BNIP3L: variants seen among roughly 807,000 people sequenced by gnomAD.
BNIP3L encodes the protein BCL2 interacting protein 3 like, also known as BCL2/adenovirus E1B 19 kDa protein-interacting protein 3-like.
Under a neutral mutation model 25.5 loss-of-function variants are expected in BNIP3L, and 10 were observed. The ratio of observed to expected loss-of-function variants is 0.39; its 90% confidence interval spans 0.24 to 0.67. The LOEUF (loss-of-function observed/expected upper bound fraction) is 0.67, where lower values mean the gene tolerates loss of function less well. Among genes scored for constraint, BNIP3L ranks in the 30% least tolerant of loss-of-function variants. The pLI is 0.45. For synonymous variants in BNIP3L, 113 were observed against 101.2 expected (o/e 1.12, Z -0.70); for missense variants, 215 against 270.9 (o/e 0.79, Z 1.45).
chr8:26,383,281 C>T (rs758541260), intron 1 of BNIP3L, 51 bp downstream of exon 1: 3 of 1,565,096 alleles, frequency 1.9e-6, no homozygotes, highest in Admixed American at 3.9e-5. Flanking sequence ...GAGGAGCAGC[C>T]CCGGCCGCCG....
At position 26,408,233 on chromosome 8, in the gene BNIP3L, C is replaced by T; in HGVS notation, c.468C>T (p.Phe156=). 6.2e-7 allele frequency: 1 copy of T among 1,613,404 alleles called. No individual in the cohort carries two copies. Among genetic ancestry groups the T allele is most frequent in the Non-Finnish European group, 8.5e-7 (1 of 1,179,502 alleles). The change falls in exon 5 of 6, where the codon TTC becomes TTT. Residue 156 remains phenylalanine, a synonymous_variant. Coordinates refer to ENST00000380629, the MANE Select transcript of BNIP3L (RefSeq NM_004331.3). The stretch of plus-strand genomic sequence containing the variant: ...CTCTGAATTTCTTTCTCAGGGAGTT[C>T]CACTTCAGACACCCTAAACGTTCTG... ...SRPENIPPKE[F]HFRHPKRSVS... is the part of the protein sequence containing the mutation.
intron 2 of BNIP3L, among the ~76,000 whole-genome samples, chr8:26,393,407 C>T (rs1806157307): frequency 6.8e-6 from 1 of 146,868 alleles, no homozygotes; most frequent in African/African-American, 2.5e-5. Flanking sequence ...CTAGATTCAC[C>T]CAGAAGCTTT....
chr8:26,408,790 T>G (rs1806553359), intron 5 of BNIP3L, among the ~76,000 whole-genome samples: 1 of 150,330 alleles, frequency 6.7e-6, no homozygotes, highest in Non-Finnish European at 1.5e-5. Context: ...GAGAATCGCT[T>G]GAACATGGGA....
At chr8:26,408,977 A>T (rs1028273996) in intron 5 of BNIP3L, among the ~76,000 whole-genome samples, 5 of 151,966 alleles carry the variant, frequency 3.3e-5, no homozygotes, top group Admixed American at 3.3e-4. Flanking sequence ...TTGTTGTGTA[A>T]TATTTAATCT....
At chr8:26,403,118 G>T (rs1321713079) in intron 3 of BNIP3L, among the ~76,000 whole-genome samples, 2 of 152,180 alleles carry the variant, frequency 1.3e-5, no homozygotes, top group African/African-American at 4.8e-5. Flanking sequence ...TCATCAAGAG[G>T]AGGTACTTAC....
chr8:26,395,419 G>A (rs1806211483), intron 3 of BNIP3L, 117 bp downstream of exon 3: 1 of 1,132,370 alleles, frequency 8.8e-7, no homozygotes, highest in East Asian at 2.6e-5. Context: ...CTATTATTGA[G>A]TTTCTGATTT....
intron 1 of BNIP3L, among the ~76,000 whole-genome samples, chr8:26,386,915 G>A (rs752694764): frequency 6.6e-6 from 1 of 152,120 alleles, no homozygotes; most frequent in African/African-American, 2.4e-5. Flanking sequence ...TAAGAAGAAT[G>A]CCAGTAACTC....
intron 1 of BNIP3L, among the ~76,000 whole-genome samples, chr8:26,386,191 C>T (rs951909225): frequency 6.6e-5 from 10 of 151,912 alleles, no homozygotes; most frequent in African/African-American, 1.7e-4. Context: ...TTAACTTTAC[C>T]GCTGTGGAGA....
chr8:26,404,271 T>C (rs1213791882), intron 3 of BNIP3L, among the ~76,000 whole-genome samples: 2 of 152,240 alleles, frequency 1.3e-5, no homozygotes, highest in Admixed American at 1.3e-4. Context: ...TTTTGCATTG[T>C]GTTTCTGGGA....
chr8:26,401,921 C>A (rs1266477913), intron 3 of BNIP3L, among the ~76,000 whole-genome samples: 1 of 152,154 alleles, frequency 6.6e-6, no homozygotes, highest in Non-Finnish European at 1.5e-5. Context: ...TATGTAAGAT[C>A]ACCTAAAAGT....
chr8:26,387,918 A>T (rs1451513774), intron 1 of BNIP3L, among the ~76,000 whole-genome samples: 1 of 152,252 alleles, frequency 6.6e-6, no homozygotes, highest in Non-Finnish European at 1.5e-5. Flanking sequence ...GTATATCTTT[A>T]TAAAAGATGA....
chr8:26,410,154 GT>G (rs1806589852), intron 5 of BNIP3L, among the ~76,000 whole-genome samples: 1 of 152,092 alleles, frequency 6.6e-6, no homozygotes, highest in Non-Finnish European at 1.5e-5. Context: ...TATTTAATGA[GT>G]AAACAAACTC....
chr8:26,388,353 T>C (rs929594666), intron 1 of BNIP3L, among the ~76,000 whole-genome samples: 1 of 152,234 alleles, frequency 6.6e-6, no homozygotes, highest in Non-Finnish European at 1.5e-5. Context: ...TTATTATCTC[T>C]ATTTTATAGA....
chr8:26,383,348 G>C (rs1201923373), intron 1 of BNIP3L, 118 bp downstream of exon 1: 1 of 1,486,904 alleles, frequency 6.7e-7, no homozygotes, highest in African/African-American at 1.4e-5. Flanking sequence ...TCAGGCATGG[G>C]ATGTCCAGGT....
chr8:26,408,942 T>C (rs1563344036), intron 5 of BNIP3L, among the ~76,000 whole-genome samples: 1 of 151,686 alleles, frequency 6.6e-6, no homozygotes, highest in East Asian at 1.9e-4. Context: ...CGGACTCCTC[T>C]GTGATTGATT....
chr8:26,395,104 T>A, intron 2 of BNIP3L, 126 bp from the exon 3 acceptor site: 2 of 859,006 alleles, frequency 2.3e-6, no homozygotes, highest in Non-Finnish European at 3.5e-6. Flanking sequence ...AGGGTTATGA[T>A]ATATTCTCTG....
chr8:26,391,354 T>G lies in BNIP3L; in HGVS notation c.212T>G (p.Met71Arg). 6.2e-7 allele frequency: 1 copy of G among 1,610,462 alleles called. No individual in the cohort carries two copies. The highest frequency in any genetic ancestry group is 8.5e-7 in the Non-Finnish European group (1 of 1,178,606). The stretch of plus-strand genomic sequence containing the variant: ...TCATCCTCCATCCACAATGGAGACA[T>G]GGAGAAGATTCTTTTGGATGCACAA... ...PSSSSIHNGD[M>R]EKILLDAQHE... Residue 71 changes from methionine (M) to arginine (R), a missense_variant, in exon 2 of 6, where the codon ATG (methionine) becomes AGG (arginine). By Grantham distance (91) the Met-to-Arg change is moderately conservative (BLOSUM62 -1). This residue lies in a region of BNIP3L where 36 missense variants were observed against 75.2 expected (regional missense o/e 0.48). Coordinates refer to ENST00000380629, the MANE Select transcript of BNIP3L (RefSeq NM_004331.3).
Position 26,412,154 on chromosome 8 carries a change from C to G in BNIP3L, c.*1742C>G, listed in dbSNP as rs1806641749. 6.6e-6 allele frequency: 1 copy of G among 152,106 alleles called. No individual in the cohort carries two copies. The highest frequency in any genetic ancestry group is 1.5e-5 in the Non-Finnish European group (1 of 68,010). The allele number at this position is 152,106 out of a possible 1,614,324, so 9.4% of individuals were successfully genotyped here. On this transcript the variant is annotated 3_prime_UTR_variant, in exon 6 of 6. Coordinates refer to ENST00000380629, the MANE Select transcript of BNIP3L (RefSeq NM_004331.3). ...TAATTTTGGACATCTTTTTCCTAGA[C>G]CATGTTTCTGTCTTACTCTTAAACC...
At chr8:26,400,649 T>C in intron 3 of BNIP3L, among the ~76,000 whole-genome samples, 1 of 123,814 alleles carries the variant, frequency 8.1e-6, no homozygotes. Context: ...TGGGAGAAAA[T>C]TTTCGCAACC....
Sources: allele counts gnomAD v4.1 joint callset (sites outside exome capture counted in the v4.1 genomes callset), GRCh38; gene constraint gnomAD v4.1.1; regional missense constraint gnomAD v4.1.1; transcripts MANE v1.5; gene names NCBI Gene and HGNC (gene_info 2026-07-23, HGNC 2026-07-21).